Variants in YWHAE observed in about 807,000 individuals in gnomAD.
YWHAE encodes the protein tyrosine 3-monooxygenase/tryptophan 5-monooxygenase activation protein epsilon, also known as 14-3-3 protein epsilon.
YWHAE carries 4 observed loss-of-function variants against 30.1 expected under a neutral mutation model. The observed-to-expected ratio is 0.13, with a 90% CI of 0.07 to 0.30. The LOEUF (loss-of-function observed/expected upper bound fraction) is 0.30. Among genes scored for constraint, YWHAE ranks in the 10% least tolerant of loss-of-function variants. YWHAE has a pLI of 1.00. For missense variants in YWHAE, 121 were observed against 315.9 expected (o/e 0.38, Z 4.68); for synonymous variants, 118 against 111.8 (o/e 1.06, Z -0.35).
intron 1 of YWHAE, among the ~76,000 whole-genome samples, chr17:1,368,897 G>C (rs762044083): frequency 1.9e-4 from 29 of 152,130 alleles, no homozygotes; most frequent in African/African-American, 7.0e-4. Context: ...AAACTATGCA[G>C]ACATCAAATA....
intron 4 of YWHAE, among the ~76,000 whole-genome samples, chr17:1,357,891 C>T (rs372203624): frequency 2.0e-5 from 3 of 150,050 alleles, no homozygotes; most frequent in Admixed American, 6.7e-5. Flanking sequence ...TGCACCACTG[C>T]ACTCCAGCCT....
intron 1 of YWHAE, among the ~76,000 whole-genome samples, chr17:1,390,210 A>G (rs1482898684): frequency 6.6e-6 from 1 of 152,214 alleles, no homozygotes; most frequent in Non-Finnish European, 1.5e-5. Flanking sequence ...TGCTAAGGAG[A>G]AAGTCTCTTA....
intron 1 of YWHAE, among the ~76,000 whole-genome samples, chr17:1,368,953 TTTAA>T (rs2072988814): frequency 6.6e-6 from 1 of 152,256 alleles, no homozygotes; most frequent in South Asian, 2.1e-4. Context: ...TTCCTTATGA[TTTAA>T]TTTTGTTCAA....
chr17:1,373,307 C>T (rs2150861719), intron 1 of YWHAE, among the ~76,000 whole-genome samples: 1 of 152,088 alleles, frequency 6.6e-6, no homozygotes, highest in African/African-American at 2.4e-5. Flanking sequence ...TCACGGATCC[C>T]CAAAACAATT....
intron 4 of YWHAE, among the ~76,000 whole-genome samples, chr17:1,359,733 C>A (rs960901696): frequency 2.7e-5 from 4 of 150,900 alleles, no homozygotes; most frequent in African/African-American, 9.8e-5. Context: ...CTATAATTCG[C>A]TTTGTGTGGG....
At chr17:1,398,488 A>C (rs1281346131) in intron 1 of YWHAE, among the ~76,000 whole-genome samples, 1 of 152,102 alleles carries the variant, frequency 6.6e-6, no homozygotes, top group Non-Finnish European at 1.5e-5. Context: ...AGGGGGACTA[A>C]CCCTGAGGTT....
At chr17:1,388,887 C>T (rs895402538) in intron 1 of YWHAE, among the ~76,000 whole-genome samples, 17 of 152,122 alleles carry the variant, frequency 1.1e-4, no homozygotes, top group African/African-American at 2.7e-4. Context: ...GAAAATTTCA[C>T]GGTAATCCTA....
At chr17:1,393,150 A>G (rs1234932852) in intron 1 of YWHAE, among the ~76,000 whole-genome samples, 2 of 145,594 alleles carry the variant, frequency 1.4e-5, no homozygotes, top group Non-Finnish European at 3.0e-5. Context: ...AAATAAATAA[A>G]TAAATAAATA....
In YWHAE at chr17:1,345,312, C is replaced by CAAA; in HGVS notation, c.*134_*135insTTT. 11 of 590,044 alleles carry CAAA rather than the reference C, an allele frequency of 1.9e-5. No homozygotes were observed. The highest frequency in any genetic ancestry group is 6.7e-5 in the Admixed American group (2 of 29,662). The allele number at this position is 590,044 out of a possible 1,614,324, so 36.6% of individuals were successfully genotyped here. ...TTTAAAAAAAAAAAAAAAAAACCAACAGGGCAGGAACCTAAATTCTGAGAC... is the reference window on the plus strand; with the variant it reads ...TTTAAAAAAAAAAAAAAAAAACCAACAAAAGGGCAGGAACCTAAATTCTGAGAC... On this transcript the variant is annotated 3_prime_UTR_variant, in exon 6 of 6. Coordinates refer to ENST00000264335, the MANE Select transcript of YWHAE (RefSeq NM_006761.5).
At chr17:1,366,173 G>A (rs190893069) in intron 1 of YWHAE, among the ~76,000 whole-genome samples, 2 of 150,064 alleles carry the variant, frequency 1.3e-5, no homozygotes. Flanking sequence ...CCAAGATCAT[G>A]CCGCTGCACT....
intron 5 of YWHAE, among the ~76,000 whole-genome samples, chr17:1,351,789 G>C (rs1438866831): frequency 6.6e-6 from 1 of 151,758 alleles, no homozygotes; most frequent in Non-Finnish European, 1.5e-5. Context: ...TTTTTGTTTT[G>C]AGACAAAGTC....
intron 1 of YWHAE, among the ~76,000 whole-genome samples, chr17:1,366,226 G>C (rs2072939911): frequency 1.4e-5 from 2 of 147,486 alleles, no homozygotes; most frequent in Non-Finnish European, 3.0e-5. Context: ...AAAAAAAATA[G>C]AATAAATAAA....
chr17:1,377,590 G>A lies in YWHAE; in HGVS notation c.65-12532C>T, dbSNP rs1025815787. Among the ~76,000 whole-genome samples the A allele has an allele frequency of 5.9e-5, 9 of 152,232 alleles. No homozygotes were observed. The East Asian group carries it at 1.4e-3, about 23-fold the overall frequency. ...GATCATGCCACTGCACTCCACCCTG[G>A]GCAACAGAGCAAGACTCTGTCTCTC... On this transcript the variant is annotated intron_variant, in intron 1 of 5. Coordinates refer to ENST00000264335, the MANE Select transcript of YWHAE (RefSeq NM_006761.5).
intron 5 of YWHAE, among the ~76,000 whole-genome samples, chr17:1,351,153 G>A (rs2072625076): frequency 6.6e-6 from 1 of 152,088 alleles, no homozygotes; most frequent in South Asian, 2.1e-4. Context: ...AAGGTCAGGA[G>A]TTGGAGACCA....
chr17:1,355,868 T>A (rs1157412354), intron 4 of YWHAE, among the ~76,000 whole-genome samples: 1 of 151,778 alleles, frequency 6.6e-6, no homozygotes, highest in Non-Finnish European at 1.5e-5. Flanking sequence ...GCAAAACCTA[T>A]TAAAAACACA....
intron 1 of YWHAE, among the ~76,000 whole-genome samples, chr17:1,370,158 C>T (rs532000851): frequency 4.3e-4 from 55 of 127,532 alleles, no homozygotes; most frequent in Admixed American, 5.1e-4. Flanking sequence ...GACGGAGTCT[C>T]GCTCTGTCAC....
At position 1,400,214 on chromosome 17, in the gene YWHAE, C is replaced by T. The variant is rs919819155; in HGVS notation, c.-104G>A. 5 of 1,391,030 alleles carry T rather than the reference C, an allele frequency of 3.6e-6. No homozygotes were observed. Among genetic ancestry groups the T allele is most frequent in the African/African-American group, 1.4e-5 (1 of 70,722 alleles). The allele number at this position is 1,391,030 out of a possible 1,614,324, so 86.2% of individuals were successfully genotyped here. A position where few individuals can be genotyped will look rare whatever the true frequency, so the allele number is the denominator to read the frequency against. On this transcript the variant is annotated 5_prime_UTR_variant, in exon 1 of 6. Coordinates refer to ENST00000264335, the MANE Select transcript of YWHAE (RefSeq NM_006761.5). The stretch of plus-strand genomic sequence containing the variant: ...CGTCCGGGCAGCAAAAATGGCGGCG[C>T]CTCAATCCGGGACTTCCGCCTGCGC...
chr17:1,357,528 T>A lies in YWHAE; in HGVS notation c.579-3181A>T, dbSNP rs138758997. The stretch of plus-strand genomic sequence containing the variant: ...CCAGGAGGCTGAGCTTTCAGTGAGC[T>A]GAGATCACGCCACTGTACTCCAGCC... On this transcript the variant is annotated intron_variant, in intron 4 of 5. Transcript: ENST00000264335. Among the ~76,000 whole-genome samples, 719 of 151,268 alleles carry A rather than the reference T, an allele frequency of 4.8e-3. 5 individuals are homozygous for A. Among genetic ancestry groups the A allele is most frequent in the African/African-American group, 0.017 (682 of 41,182 alleles).
chr17:1,393,944 A>G (rs951782892), intron 1 of YWHAE, among the ~76,000 whole-genome samples: 3 of 152,168 alleles, frequency 2.0e-5, no homozygotes, highest in African/African-American at 7.2e-5. Context: ...GATTTTGTCT[A>G]CAATTCACCA....
Sources: allele counts gnomAD v4.1 joint callset (sites outside exome capture counted in the v4.1 genomes callset), GRCh38; gene constraint gnomAD v4.1.1; transcripts MANE v1.5; gene names NCBI Gene and HGNC (gene_info 2026-07-23, HGNC 2026-07-21).